CELF2: variants seen among roughly 807,000 people sequenced by gnomAD.
CELF2 encodes CUGBP Elav-like family member 2.
CELF2 carries 8 observed loss-of-function variants against 62.6 expected under a neutral mutation model. The observed-to-expected ratio is 0.13, with a 90% CI of 0.07 to 0.23. The LOEUF is 0.23. Among genes scored for constraint, CELF2 ranks in the 10% least tolerant of loss-of-function variants. CELF2 has a pLI of 1.00. For missense variants in CELF2, 333 were observed against 671.0 expected (o/e 0.50, Z 5.56); for synonymous variants, 258 against 250.0 (o/e 1.03, Z -0.30).
intron 1 of CELF2, among the ~76,000 whole-genome samples, chr10:11,092,688 C>T (rs2048656575): frequency 6.6e-6 from 1 of 152,342 alleles, no homozygotes; most frequent in Middle Eastern, 3.4e-3. Flanking sequence ...GGATGTTCCT[C>T]TTCTCTGGGT....
At chr10:10,464,692 C>T in the CELF2 span, among the ~76,000 whole-genome samples, 2 of 152,146 alleles carry the variant, frequency 1.3e-5, no homozygotes, top group African/African-American at 2.4e-5. Flanking sequence ...TTTTGCAGAA[C>T]GCAATGTAAA....
intron 1 of CELF2, among the ~76,000 whole-genome samples, chr10:11,049,434 T>C (rs2063481490): frequency 6.7e-6 from 1 of 148,652 alleles, no homozygotes; most frequent in Non-Finnish European, 1.5e-5. Flanking sequence ...AATCATTTTA[T>C]GTCGAAAATA....
chr10:10,513,119 G>T, the CELF2 span, among the ~76,000 whole-genome samples: 1 of 152,148 alleles, frequency 6.6e-6, no homozygotes, highest in Non-Finnish European at 1.5e-5. Flanking sequence ...GTCATTAAAG[G>T]ATTCAACTTA....
chr10:10,512,377 C>T, the CELF2 span, among the ~76,000 whole-genome samples: 2 of 151,658 alleles, frequency 1.3e-5, no homozygotes, highest in African/African-American at 4.9e-5. Context: ...TTCTGAGAAG[C>T]CCAGTCTAGG....
intron 2 of CELF2, among the ~76,000 whole-genome samples, chr10:11,193,159 G>A (rs968236839): frequency 1.3e-5 from 2 of 152,122 alleles, no homozygotes; most frequent in Admixed American, 6.5e-5. Context: ...CAGTGACTTC[G>A]TGGAATGTCA....
At chr10:11,238,179 G>T (rs983266320) in intron 3 of CELF2, among the ~76,000 whole-genome samples, 2 of 152,226 alleles carry the variant, frequency 1.3e-5, no homozygotes, top group Non-Finnish European at 2.9e-5. Flanking sequence ...GAGGATGTCA[G>T]TATACTTCCC....
rs1180227848 is a variant in CELF2 at position 10,957,718 on chromosome 10, T to G, written c.89+37719T>G. Reference sequence around the variant, plus strand: ...CCTTGCTCACATGTCTTCAAAAGAGTTGGTAGCTGGTGAACAGAAACTGGT... The same window carrying G: ...CCTTGCTCACATGTCTTCAAAAGAGGTGGTAGCTGGTGAACAGAAACTGGT... On this transcript the variant is annotated intron_variant, in intron 2 of 13. Transcript: ENST00000636488. The surrounding 1 kb of genome is among the most constrained non-coding windows in gnomAD (Gnocchi z 4.1). Among the ~76,000 whole-genome samples, 1 of 152,014 alleles carries G rather than the reference T, an allele frequency of 6.6e-6. No individual in the cohort carries two copies. Among genetic ancestry groups the G allele is most frequent in the Non-Finnish European group, 1.5e-5 (1 of 67,996 alleles).
chr10:10,565,389 C>T, the CELF2 span, among the ~76,000 whole-genome samples: 7 of 152,218 alleles, frequency 4.6e-5, no homozygotes, highest in Non-Finnish European at 7.3e-5. Context: ...GGGATAGACC[C>T]CTGCAAAGGG....
At chr10:10,736,710 C>A in the CELF2 span, among the ~76,000 whole-genome samples, 1 of 151,940 alleles carries the variant, frequency 6.6e-6, no homozygotes, top group African/African-American at 2.4e-5. Flanking sequence ...ATGTTTTTAG[C>A]TTTCCTAGTG....
the CELF2 span, among the ~76,000 whole-genome samples, chr10:10,581,224 C>T: frequency 6.6e-6 from 1 of 152,176 alleles, no homozygotes; most frequent in Non-Finnish European, 1.5e-5. Flanking sequence ...ATTCAATTTG[C>T]TACTAGTTGC....
chr10:10,811,625 A>T (rs1198513193), intron 1 of CELF2, among the ~76,000 whole-genome samples: 1 of 152,164 alleles, frequency 6.6e-6, no homozygotes, highest in Non-Finnish European at 1.5e-5. Context: ...AGCCCTATGT[A>T]TTCAATGACC....
chr10:10,641,238 G>A, the CELF2 span, among the ~76,000 whole-genome samples: 9 of 152,102 alleles, frequency 5.9e-5, no homozygotes, highest in Admixed American at 5.2e-4. Flanking sequence ...ACATTCTATG[G>A]CTCCACTGCC....
At chr10:11,188,225 C>T (rs1255913192) in intron 2 of CELF2, among the ~76,000 whole-genome samples, 1 of 152,224 alleles carries the variant, frequency 6.6e-6, no homozygotes, top group Non-Finnish European at 1.5e-5. Context: ...CCTGCCTCAG[C>T]CTCCCAAGTA....
intron 1 of CELF2, among the ~76,000 whole-genome samples, chr10:10,918,684 G>A (rs954832933): frequency 7.2e-5 from 11 of 152,198 alleles, no homozygotes; most frequent in African/African-American, 2.7e-4. Context: ...AGCTTAACCA[G>A]GATTGACACA....
chr10:10,467,289 AT>A, the CELF2 span, among the ~76,000 whole-genome samples: 1 of 151,948 alleles, frequency 6.6e-6, no homozygotes, highest in African/African-American at 2.4e-5. Flanking sequence ...CCAAGGGTCA[AT>A]TTTTTTGTCA....
chr10:11,186,746 CA>C (rs2075047248), intron 2 of CELF2, among the ~76,000 whole-genome samples: 1 of 151,978 alleles, frequency 6.6e-6, no homozygotes, highest in Admixed American at 6.6e-5. Context: ...AAGGGATGCT[CA>C]ACCAGTAAGT....
chr10:10,920,056 G>T (rs1008387021), intron 2 of CELF2: 1 of 1,142,012 alleles, frequency 8.8e-7, no homozygotes, highest in African/African-American at 1.6e-5. Context: ...ACAAAGAGAA[G>T]TACTGTGCCA....
the CELF2 span, among the ~76,000 whole-genome samples, chr10:10,551,749 A>C: frequency 5.3e-4 from 80 of 152,158 alleles, no homozygotes; most frequent in African/African-American, 1.8e-3. Flanking sequence ...TGTATCTCCT[A>C]TGAAAAGGAG....
the CELF2 span, among the ~76,000 whole-genome samples, chr10:10,711,718 C>T: frequency 9.9e-5 from 15 of 152,074 alleles, no homozygotes; most frequent in African/African-American, 3.6e-4. Context: ...TCCGTCTCTA[C>T]TAAAAATACA....
Sources: gnomAD v4.1 joint callset for allele counts (sites outside exome capture counted in the v4.1 genomes callset) on GRCh38, gnomAD v4.1.1 for gene constraint, Gnocchi (gnomAD v3.1) non-coding constraint, MANE v1.5 for transcripts, NCBI Gene and HGNC (gene_info 2026-07-23, HGNC 2026-07-21) for gene names.